MOV10L1: variants seen among roughly 807,000 people sequenced by gnomAD.
MOV10L1 encodes Mov10 like RNA helicase 1.
Under a neutral mutation model 143.8 loss-of-function variants are expected in MOV10L1, and 110 were observed. The ratio of observed to expected loss-of-function variants is 0.76; its 90% CI spans 0.66 to 0.90. MOV10L1 has a LOEUF of 0.90. Among genes scored for constraint, MOV10L1 ranks in the 40% least tolerant of loss-of-function variants. The pLI is 0.00. For synonymous variants in MOV10L1, 593 were observed against 581.1 expected (o/e 1.02, Z -0.29); for missense variants, 1,406 against 1,526.8 (o/e 0.92, Z 1.32).
chr22:50,118,329 C>T (rs892242737), intron 9 of MOV10L1, among the ~76,000 whole-genome samples: 3 of 152,002 alleles, frequency 2.0e-5, no homozygotes, highest in Non-Finnish European at 2.9e-5. Context: ...GTCCCTGCCT[C>T]GTGTGGTTTG....
At chr22:50,109,947 G>A (rs1293248919) in intron 5 of MOV10L1, among the ~76,000 whole-genome samples, 4 of 152,058 alleles carry the variant, frequency 2.6e-5, no homozygotes, top group African/African-American at 4.8e-5. Flanking sequence ...TCAGGAGTTC[G>A]AGACCAGCCT....
At chr22:50,132,684 A>G (rs1177434739) in intron 13 of MOV10L1, among the ~76,000 whole-genome samples, 1 of 152,244 alleles carries the variant, frequency 6.6e-6, no homozygotes, top group East Asian at 1.9e-4. Flanking sequence ...GAATAGCTCC[A>G]GTAGCTTCTC....
chr22:50,133,224 C>T (rs183142990), intron 13 of MOV10L1, among the ~76,000 whole-genome samples: 2 of 152,010 alleles, frequency 1.3e-5, no homozygotes, highest in Admixed American at 6.5e-5. Flanking sequence ...GTTAGTACAG[C>T]GTGGGTGGTA....
At chr22:50,097,309 A>G (rs774807478) in intron 2 of MOV10L1, among the ~76,000 whole-genome samples, 5 of 151,784 alleles carry the variant, frequency 3.3e-5, no homozygotes, top group Non-Finnish European at 5.9e-5. Context: ...GGGCCTCTCT[A>G]TGTTGCCCAG....
chr22:50,140,347 C>T (rs1041020610), intron 15 of MOV10L1, among the ~76,000 whole-genome samples: 1 of 152,128 alleles, frequency 6.6e-6, no homozygotes, highest in African/African-American at 2.4e-5. Flanking sequence ...GGTATGTGCA[C>T]GTCAGACTTG....
At chr22:50,094,393 C>T (rs1039519888) in intron 2 of MOV10L1, 2 of 142,400 alleles carry the variant, frequency 1.4e-5, no homozygotes, top group African/African-American at 5.1e-5. Context: ...TATGGGAAAG[C>T]TTTCAATTTT....
In MOV10L1 at chr22:50,158,037, T is replaced by A. The variant is rs1311076243; in HGVS notation, c.3067-20T>A. On this transcript the variant is annotated intron_variant, in intron 22 of 26. Transcript: ENST00000262794. The surrounding 1 kb of genome is among the most constrained non-coding windows in gnomAD (Gnocchi z 5.0). Reference sequence around the variant, plus strand: ...GAATATTCATGAAGTAAAGTAGGTTTTCTCTCCTCATCAACCCAGGGCAGC... The same window carrying A: ...GAATATTCATGAAGTAAAGTAGGTTATCTCTCCTCATCAACCCAGGGCAGC... 1.2e-6 allele frequency: 2 copies of A among 1,603,700 alleles called. No homozygotes were observed. The highest frequency in any genetic ancestry group is 1.7e-6 in the Non-Finnish European group (2 of 1,173,828).
intron 17 of MOV10L1, 89 bp from the exon 18 acceptor site, chr22:50,144,008 A>G (rs951543732): frequency 8.2e-5 from 124 of 1,514,960 alleles, no homozygotes; most frequent in Non-Finnish European, 1.1e-4. Flanking sequence ...GAGTCCCTGC[A>G]CCCGAATGTG....
At chr22:50,151,683 T>C (rs183823449) in intron 21 of MOV10L1, among the ~76,000 whole-genome samples, 1 of 152,270 alleles carries the variant, frequency 6.6e-6, no homozygotes, top group Non-Finnish European at 1.5e-5. Context: ...CCCCCGGAGG[T>C]TCGCCTCATC....
At chr22:50,137,741 A>T (rs13053991) in intron 15 of MOV10L1, among the ~76,000 whole-genome samples, 28,134 of 118,528 alleles carry the variant, frequency 0.24, 3,784 homozygotes, top group Admixed American at 0.39. Flanking sequence ...TATATATTTT[A>T]TATATATACA....
At position 50,092,172 on chromosome 22, in the gene MOV10L1, T is replaced by G. The variant is rs747835290; in HGVS notation, c.269T>G (p.Leu90Arg). The G allele has an allele frequency of 6.2e-7, 1 of 1,613,880 alleles. No homozygotes were observed. Among genetic ancestry groups the G allele is most frequent in the Non-Finnish European group, 8.5e-7 (1 of 1,179,898 alleles). ...GAAGAAAATAAAGTGTCCAATGGAC[T>G]GAAAGCAATCAGGGTAAGGTTTGAG... ...VVEENKVSNG[L>R]KAIRVEAVSD... Residue 90 changes from leucine to arginine, a missense_variant, in exon 2 of 27, where the codon CTG becomes CGG. Around this residue, in one of 3 missense-constraint regions of MOV10L1, gnomAD observed 166 missense variants for 153.9 expected, o/e 1.08. Transcript: ENST00000262794.
intron 9 of MOV10L1, among the ~76,000 whole-genome samples, chr22:50,120,110 A>G (rs2062297438): frequency 6.6e-6 from 1 of 152,172 alleles, no homozygotes; most frequent in African/African-American, 2.4e-5. Context: ...CCTTTTCCTA[A>G]TGTGTGCTTT....
In MOV10L1 at chr22:50,158,647, A is replaced by G; in HGVS notation, c.3216+441A>G. On this transcript the variant is annotated intron_variant, in intron 23 of 26. Coordinates refer to ENST00000262794, the MANE Select transcript of MOV10L1 (RefSeq NM_018995.3). This position sits in a 1 kb window ranked among gnomAD's most constrained non-coding sequence, Gnocchi z 5.0. ...GGGGCTGGTCCCAGGAAGCATCTCC[A>G]CACGTTCACAGTGGCTCTGGAGCTC... The G allele has an allele frequency of 6.3e-6, 1 of 158,956 alleles. No individual in the cohort carries two copies. Among genetic ancestry groups the G allele is most frequent in the South Asian group, 1.8e-4 (1 of 5,568 alleles). 9.8% of individuals were successfully genotyped at this position (158,956 alleles called of 1,614,324 possible).
chr22:50,149,586 A>G, intron 19 of MOV10L1, 29 bp from the exon 20 acceptor site: 1 of 1,609,956 alleles, frequency 6.2e-7, no homozygotes, highest in African/African-American at 1.3e-5. Flanking sequence ...ATTCGGCAGA[A>G]ATTACCATTT....
intron 6 of MOV10L1, 70 bp downstream of exon 6, chr22:50,113,858 C>T: frequency 2.3e-6 from 3 of 1,292,100 alleles, no homozygotes; most frequent in South Asian, 4.8e-5. Flanking sequence ...TCAATAATTT[C>T]TGTAAAACCA....
chr22:50,143,659 T>C (rs1395903653), intron 17 of MOV10L1, among the ~76,000 whole-genome samples: 1 of 152,230 alleles, frequency 6.6e-6, no homozygotes, highest in Admixed American at 6.5e-5. Flanking sequence ...CATCAAGGCA[T>C]GATCCCTTGT....
At chr22:50,120,857 G>A (rs1037423939) in intron 10 of MOV10L1, among the ~76,000 whole-genome samples, 4 of 152,224 alleles carry the variant, frequency 2.6e-5, no homozygotes, top group Non-Finnish European at 4.4e-5. Flanking sequence ...TCACGCACAG[G>A]GCCTTTGGGG....
At chr22:50,105,342 A>G (rs1191384416) in intron 3 of MOV10L1, among the ~76,000 whole-genome samples, 1 of 152,202 alleles carries the variant, frequency 6.6e-6, no homozygotes, top group Admixed American at 6.5e-5. Flanking sequence ...TTTCATGTGT[A>G]GGCCTTCTCA....
rs1425527575 is a variant in MOV10L1, at chr22:50,153,071, G to C, written c.2919G>C (p.Arg973=). Residue 973 remains arginine (R), a synonymous_variant, in exon 22 of 27, where the codon CGG becomes CGC. Transcript: ENST00000262794. ...LLVTKLVKNY[R]SHEALLMLPS... is the part of the protein sequence containing the mutation. ...TCACAAAGCTGGTGAAGAACTACCG[G>C]TCCCACGAGGCCCTGCTGATGCTGC... is the stretch of plus-strand genomic sequence containing the variant. 6.2e-7 allele frequency: 1 copy of C among 1,610,204 alleles called. No individual in the cohort carries two copies. Among genetic ancestry groups the C allele is most frequent in the Admixed American group, 1.7e-5 (1 of 59,864 alleles).
Sources: allele counts gnomAD v4.1 joint callset (sites outside exome capture counted in the v4.1 genomes callset), GRCh38; gene constraint gnomAD v4.1.1; regional missense constraint gnomAD v4.1.1; non-coding constraint Gnocchi (gnomAD v3.1); transcripts MANE v1.5; gene names NCBI Gene and HGNC (gene_info 2026-07-23, HGNC 2026-07-21).